Variants in FGF12 observed in about 807,000 individuals in gnomAD.
The protein encoded by FGF12 is fibroblast growth factor 12.
FGF12 carries 14 observed loss-of-function variants against 23.6 expected under a neutral mutation model. That is an observed-to-expected ratio of 0.59 (90% CI 0.39 to 0.93). The LOEUF (loss-of-function observed/expected upper bound fraction) is 0.93. Ranked by LOEUF, FGF12 falls within the 40% of genes least tolerant of loss-of-function variation. The probability of loss-of-function intolerance (pLI) is 0.00; values close to 1 mark genes in which losing one functional copy is unlikely to be tolerated. For synonymous variants in FGF12, 62 were observed against 77.3 expected, an observed-to-expected ratio of 0.80 and a Z score of 1.04; for missense variants, 175 against 217.8, an observed-to-expected ratio of 0.80 and a Z score of 1.24.
At chr3:192,581,456 A>G (rs12634500) in intron 2 of FGF12, among the ~76,000 whole-genome samples, 3 of 125,318 alleles carry the variant, frequency 2.4e-5, no homozygotes, top group African/African-American at 6.4e-5. Context: ...ATGTGTGTGT[A>G]TATATATATG....
intron 2 of FGF12, among the ~76,000 whole-genome samples, chr3:192,717,454 T>A (rs1028082686): frequency 1.5e-4 from 23 of 152,214 alleles, no homozygotes; most frequent in Non-Finnish European, 3.2e-4. Context: ...GACTCAGTTA[T>A]CTTTCCAAAT....
At chr3:192,187,923 A>C (rs943581309) in intron 4 of FGF12, among the ~76,000 whole-genome samples, 20 of 152,234 alleles carry the variant, frequency 1.3e-4, no homozygotes, top group Non-Finnish European at 2.4e-4. Context: ...ATATCACGGA[A>C]ATAAACAGTA....
At chr3:192,294,866 G>A (rs951587672) in intron 4 of FGF12, among the ~76,000 whole-genome samples, 1 of 151,940 alleles carries the variant, frequency 6.6e-6, no homozygotes, top group Non-Finnish European at 1.5e-5. Flanking sequence ...ACACTAAGAG[G>A]GCTCCCTTGA....
chr3:192,503,603 G>GTTTTTT (rs3074674), intron 2 of FGF12, among the ~76,000 whole-genome samples: 2 of 99,124 alleles, frequency 2.0e-5, no homozygotes, highest in Non-Finnish European at 4.1e-5. Flanking sequence ...GTGTGTGTGT[G>GTTTTTT]TTTTTTTTTT....
chr3:192,473,554 T>G (rs1723234058), intron 2 of FGF12, among the ~76,000 whole-genome samples: 1 of 152,246 alleles, frequency 6.6e-6, no homozygotes, highest in Non-Finnish European at 1.5e-5. Flanking sequence ...ATATGTCATT[T>G]CTGAAACACT....
chr3:192,542,799 G>A (rs760819805), intron 2 of FGF12, among the ~76,000 whole-genome samples: 11 of 151,906 alleles, frequency 7.2e-5, no homozygotes, highest in Non-Finnish European at 1.5e-4. Context: ...GATCAGATCT[G>A]GAAGAATTGT....
chr3:192,360,574 G>A lies in FGF12; in HGVS notation c.14-36C>T, dbSNP rs748176354. The A allele has an allele frequency of 6.9e-7, 1 of 1,454,832 alleles. No homozygotes were observed. The highest frequency in any genetic ancestry group is 9.7e-7 in the Non-Finnish European group (1 of 1,035,076). The allele number at this position is 1,454,832 out of a possible 1,614,324, so 90.1% of individuals were successfully genotyped here. On this transcript the variant is annotated intron_variant, in intron 2 of 5. Coordinates refer to ENST00000445105, the MANE Select transcript of FGF12 (RefSeq NM_004113.6). This position sits in a 1 kb window ranked among gnomAD's most constrained non-coding sequence, Gnocchi z 4.3. ...AAATAATTATTCAAATTTTTATTTG[G>A]CTTACACAAATGCACACTTACAGAT...
intron 4 of FGF12, among the ~76,000 whole-genome samples, chr3:192,191,946 A>G (rs1716816921): frequency 6.6e-6 from 1 of 152,208 alleles, no homozygotes; most frequent in Admixed American, 6.5e-5. Context: ...TAAGAGAATT[A>G]CACTGAATAA....
chr3:192,356,535 T>G (rs1187991328), intron 3 of FGF12, among the ~76,000 whole-genome samples: 1 of 152,266 alleles, frequency 6.6e-6, no homozygotes, highest in Non-Finnish European at 1.5e-5. Context: ...AACACAGTTT[T>G]GTGCTTTTTA....
intron 2 of FGF12, among the ~76,000 whole-genome samples, chr3:192,698,594 CTTCA>C (rs10574981): frequency 0.73 from 111,565 of 151,816 alleles, 42,324 homozygotes; most frequent in African/African-American, 0.93. Context: ...TAAACATAGA[CTTCA>C]TTCAATTCCA....
At chr3:192,504,896 G>T (rs1467013093) in intron 2 of FGF12, among the ~76,000 whole-genome samples, 1 of 152,014 alleles carries the variant, frequency 6.6e-6, no homozygotes, top group Non-Finnish European at 1.5e-5. Context: ...TAAGAAGGTG[G>T]ATAGCCATCT....
At chr3:192,520,763 C>T (rs1427622534) in intron 2 of FGF12, among the ~76,000 whole-genome samples, 1 of 152,086 alleles carries the variant, frequency 6.6e-6, no homozygotes, top group Non-Finnish European at 1.5e-5. Context: ...AGTTCCTGTT[C>T]CCTCTTTTTT....
chr3:192,220,530 A>C (rs567537870), intron 4 of FGF12, among the ~76,000 whole-genome samples: 1 of 152,250 alleles, frequency 6.6e-6, no homozygotes, highest in South Asian at 2.1e-4. Context: ...TGATCCATCA[A>C]ATCTTAAGTA....
intron 2 of FGF12, among the ~76,000 whole-genome samples, chr3:192,564,807 A>C (rs1403487908): frequency 1.3e-5 from 2 of 152,214 alleles, no homozygotes; most frequent in Non-Finnish European, 2.9e-5. Context: ...GCATCTCAGG[A>C]CTGAAATGAA....
chr3:192,354,844 T>C (rs369173123), intron 3 of FGF12, among the ~76,000 whole-genome samples: 8 of 152,112 alleles, frequency 5.3e-5, no homozygotes, highest in Non-Finnish European at 1.2e-4. Context: ...TAGCTGGAAT[T>C]ACAGGCATGC....
At chr3:192,295,626 C>T (rs1267777524) in intron 4 of FGF12, among the ~76,000 whole-genome samples, 1 of 152,118 alleles carries the variant, frequency 6.6e-6, no homozygotes, top group Non-Finnish European at 1.5e-5. Context: ...TGAAATGTTT[C>T]AACAGGAAGC....
intron 2 of FGF12, among the ~76,000 whole-genome samples, chr3:192,506,051 A>T (rs1280841794): frequency 1.3e-5 from 2 of 152,238 alleles, no homozygotes; most frequent in Admixed American, 1.3e-4. Context: ...TAAGTGTATT[A>T]CAGTTGGGCC....
intron 2 of FGF12, among the ~76,000 whole-genome samples, chr3:192,673,517 C>T (rs1717209493): frequency 1.3e-5 from 2 of 150,674 alleles, no homozygotes; most frequent in African/African-American, 2.4e-5. Flanking sequence ...ATGCATTAGC[C>T]ATTAGTCCTG....
intron 2 of FGF12, among the ~76,000 whole-genome samples, chr3:192,604,106 C>A (rs1714236832): frequency 6.6e-6 from 1 of 152,172 alleles, no homozygotes; most frequent in Admixed American, 6.6e-5. Flanking sequence ...CATTTATAGT[C>A]TCTCTGCAAG....
Sources: allele counts gnomAD v4.1 joint callset (sites outside exome capture counted in the v4.1 genomes callset), GRCh38; gene constraint gnomAD v4.1.1; non-coding constraint Gnocchi (gnomAD v3.1); transcripts MANE v1.5; gene names NCBI Gene and HGNC (gene_info 2026-07-23, HGNC 2026-07-21).